The following CSMD1 variants were observed in gnomAD, a reference collection of about 807,000 sequenced individuals.
CSMD1 encodes CUB and Sushi multiple domains 1.
CSMD1 carries 213 observed loss-of-function variants against 417.5 expected under a neutral mutation model. That is an observed-to-expected ratio of 0.51 (90% confidence interval 0.46 to 0.57). CSMD1 has a LOEUF of 0.57. Among genes scored for constraint, CSMD1 ranks in the 20% least tolerant of loss-of-function variants. The pLI is 0.00. For synonymous variants in CSMD1, 2,862 were observed against 1,736.8 expected (o/e 1.65, Z -16.11); for missense variants, 6,923 against 4,529.7 (o/e 1.53, Z -15.17).
At chr8:4,868,627 C>G (rs771720691) in intron 1 of CSMD1, among the ~76,000 whole-genome samples, 6 of 152,054 alleles carry the variant, frequency 3.9e-5, no homozygotes, top group Non-Finnish European at 7.4e-5. Flanking sequence ...GTTCAATCAT[C>G]TACTTAATTC....
intron 18 of CSMD1, among the ~76,000 whole-genome samples, chr8:3,372,780 G>A (rs1810052555): frequency 6.6e-6 from 1 of 152,262 alleles, no homozygotes; most frequent in Admixed American, 6.5e-5. Context: ...CATAGGTCTG[G>A]AGGCCATGGA....
chr8:4,151,565 G>C (rs963950133), intron 3 of CSMD1, among the ~76,000 whole-genome samples: 2 of 151,986 alleles, frequency 1.3e-5, no homozygotes, highest in African/African-American at 2.4e-5. Context: ...AATTAACATG[G>C]GGAATTAAAA....
At chr8:4,278,475 G>T (rs761018750) in intron 3 of CSMD1, among the ~76,000 whole-genome samples, 1 of 152,100 alleles carries the variant, frequency 6.6e-6, no homozygotes, top group South Asian at 2.1e-4. Context: ...TAACATGAAA[G>T]CAGCATTTTA....
chr8:4,381,259 T>TC (rs1803083017), intron 3 of CSMD1, among the ~76,000 whole-genome samples: 1 of 152,284 alleles, frequency 6.6e-6, no homozygotes, highest in East Asian at 1.9e-4. Context: ...GAGTGAGGAA[T>TC]AAAGGCGTCA....
chr8:3,049,807 A>G (rs1007447940), intron 50 of CSMD1, among the ~76,000 whole-genome samples: 1 of 152,030 alleles, frequency 6.6e-6, no homozygotes, highest in African/African-American at 2.4e-5. Flanking sequence ...CATCCATTGT[A>G]ACATGCACCC....
chr8:4,445,161 A>C (rs755629244), intron 2 of CSMD1, among the ~76,000 whole-genome samples: 10 of 152,220 alleles, frequency 6.6e-5, no homozygotes, highest in Non-Finnish European at 1.3e-4. Context: ...TGATGGCACT[A>C]GAAGAATCTG....
At chr8:3,171,004 T>C (rs1820549638) in intron 37 of CSMD1, among the ~76,000 whole-genome samples, 1 of 152,180 alleles carries the variant, frequency 6.6e-6, no homozygotes, top group South Asian at 2.1e-4. Context: ...AATGATCTGC[T>C]CAAAGTGACA....
intron 10 of CSMD1, among the ~76,000 whole-genome samples, chr8:3,570,601 T>C (rs942451802): frequency 1.7e-4 from 26 of 152,178 alleles, no homozygotes; most frequent in Admixed American, 1.3e-4. Flanking sequence ...GCTGCAATGC[T>C]ATCACGGAGC....
chr8:4,368,759 C>A (rs1345668075), intron 3 of CSMD1, among the ~76,000 whole-genome samples: 1 of 152,046 alleles, frequency 6.6e-6, no homozygotes, highest in Non-Finnish European at 1.5e-5. Flanking sequence ...TACAGAGGTG[C>A]TCATAATACT....
intron 5 of CSMD1, among the ~76,000 whole-genome samples, chr8:3,959,142 T>A (rs1388442766): frequency 2.0e-5 from 3 of 152,184 alleles, no homozygotes; most frequent in South Asian, 2.1e-4. Flanking sequence ...TTTACATATT[T>A]AAAAGCATAA....
chr8:3,771,486 C>G (rs1198651851), intron 5 of CSMD1, among the ~76,000 whole-genome samples: 4 of 152,186 alleles, frequency 2.6e-5, no homozygotes, highest in Non-Finnish European at 2.9e-5. Context: ...GGCCAATTCT[C>G]AAGCTCTCGA....
At chr8:4,463,082 T>C (rs11989178) in intron 2 of CSMD1, among the ~76,000 whole-genome samples, 7,001 of 152,250 alleles carry the variant, frequency 0.046, 393 homozygotes, top group African/African-American at 0.13. Flanking sequence ...TAAAGATCTC[T>C]TAAAACTCAG....
intron 2 of CSMD1, among the ~76,000 whole-genome samples, chr8:4,566,412 G>T (rs1040413825): frequency 6.6e-6 from 1 of 152,024 alleles, no homozygotes; most frequent in Non-Finnish European, 1.5e-5. Flanking sequence ...CCATCACTTT[G>T]GGAGGCCGAG....
intron 2 of CSMD1, among the ~76,000 whole-genome samples, chr8:4,558,107 T>C (rs1284418625): frequency 6.6e-6 from 1 of 151,970 alleles, no homozygotes; most frequent in Non-Finnish European, 1.5e-5. Flanking sequence ...GAAATGTAAA[T>C]GGCCAAGGCA....
chr8:4,632,916 CT>C (rs1448416382), intron 2 of CSMD1, among the ~76,000 whole-genome samples: 1 of 152,176 alleles, frequency 6.6e-6, no homozygotes, highest in African/African-American at 2.4e-5. Context: ...ACCCACAGAT[CT>C]GTGCAACTGA....
At chr8:4,712,920 T>A (rs754016146) in intron 1 of CSMD1, among the ~76,000 whole-genome samples, 1 of 152,220 alleles carries the variant, frequency 6.6e-6, no homozygotes, top group Non-Finnish European at 1.5e-5. Flanking sequence ...GGTGCTTGAT[T>A]GACATACAAG....
At chr8:4,827,373 T>C (rs1267976383) in intron 1 of CSMD1, among the ~76,000 whole-genome samples, 1 of 152,164 alleles carries the variant, frequency 6.6e-6, no homozygotes, top group Non-Finnish European at 1.5e-5. Flanking sequence ...GCCCAGCGGC[T>C]GCTCGAGTTA....
intron 10 of CSMD1, among the ~76,000 whole-genome samples, chr8:3,569,508 G>A (rs73658196): frequency 6.6e-6 from 1 of 152,132 alleles, no homozygotes; most frequent in African/African-American, 2.4e-5. Flanking sequence ...CTGCTTTTCT[G>A]TCCTATCTTA....
chr8:4,230,781 A>G (rs1459671811), intron 3 of CSMD1, among the ~76,000 whole-genome samples: 1 of 152,172 alleles, frequency 6.6e-6, no homozygotes, highest in East Asian at 1.9e-4. Flanking sequence ...TTGACTTTCA[A>G]GTAATTTTTA....
Sources: allele counts gnomAD v4.1 joint callset (sites outside exome capture counted in the v4.1 genomes callset), GRCh38; gene constraint gnomAD v4.1.1; transcripts MANE v1.5; gene names NCBI Gene and HGNC (gene_info 2026-07-23, HGNC 2026-07-21).